The following PLA2R1 variants were observed in gnomAD, a reference collection of about 807,000 sequenced individuals.
PLA2R1 encodes phospholipase A2 receptor 1, also known as secretory phospholipase A2 receptor.
In PLA2R1, 158 loss-of-function variants were observed where a neutral mutation model predicts 195.9. The observed-to-expected ratio is 0.81, with a 90% CI of 0.71 to 0.92. The LOEUF (loss-of-function observed/expected upper bound fraction) is 0.92. Among genes scored for constraint, PLA2R1 ranks in the 40% least tolerant of loss-of-function variants. The probability of loss-of-function intolerance (pLI) is 0.00; values close to 1 mark genes in which losing one functional copy is unlikely to be tolerated. For synonymous variants in PLA2R1, 586 were observed against 598.2 expected, an observed-to-expected ratio of 0.98 and a Z score of 0.30; for missense variants, 1,626 against 1,764.6, an observed-to-expected ratio of 0.92 and a Z score of 1.41.
At chr2:159,970,529 A>G (rs1267343086) in intron 17 of PLA2R1, among the ~76,000 whole-genome samples, 2 of 152,316 alleles carry the variant, frequency 1.3e-5, no homozygotes, top group African/African-American at 2.4e-5. Flanking sequence ...CTGACAAAAA[A>G]TTATTGGCTC....
intron 1 of PLA2R1, among the ~76,000 whole-genome samples, chr2:160,046,559 CA>C (rs2105628626): frequency 6.6e-6 from 1 of 152,274 alleles, no homozygotes; most frequent in Admixed American, 6.5e-5. Context: ...AACTGATTTA[CA>C]GTAACCAAAA....
chr2:159,952,350 A>G (rs540615867), intron 23 of PLA2R1, among the ~76,000 whole-genome samples: 43 of 152,294 alleles, frequency 2.8e-4, no homozygotes, highest in Admixed American at 8.5e-4. Context: ...TACATAGAAC[A>G]TATGTTCTAT....
rs1221552085 is a variant in PLA2R1 at position 160,042,788 on chromosome 2, GGTGTGTGTGTGC to G, written c.494-602_494-591del. On this transcript the variant is annotated intron_variant, in intron 2 of 29. Coordinates refer to ENST00000283243, the MANE Select transcript of PLA2R1 (RefSeq NM_007366.5). ...TAAATAGGATGAGAAGACAGAGTGG[GGTGTGTGTGTGC>G]GTGTGTGTGTGTGTGTGTGTGTGTG... is the stretch of plus-strand genomic sequence containing the variant. 9.1e-3 allele frequency among the ~76,000 whole-genome samples: 1,236 copies of G among 135,370 alleles called. 85 individuals carry two copies. The East Asian group carries it at 0.21, about 23-fold the overall frequency. The allele number at this position is 135,370 out of a possible 152,430, so 88.8% of individuals were successfully genotyped here. A position where few individuals can be genotyped will look rare whatever the true frequency, so the allele number is the denominator to read the frequency against.
intron 27 of PLA2R1, chr2:159,946,104 G>T: frequency 1.2e-6 from 1 of 801,486 alleles, no homozygotes; most frequent in Non-Finnish European, 1.5e-6. Context: ...TCCATCCCAT[G>T]TGTGGGCAAT....
chr2:159,986,626 A>C (rs2105318332), intron 12 of PLA2R1, among the ~76,000 whole-genome samples: 1 of 147,312 alleles, frequency 6.8e-6, no homozygotes, highest in East Asian at 2.0e-4. Context: ...TCGCTGTGTC[A>C]CCCAGGATGG....
At chr2:160,048,029 C>CA (rs1207078669) in intron 1 of PLA2R1, among the ~76,000 whole-genome samples, 1 of 151,954 alleles carries the variant, frequency 6.6e-6, no homozygotes, top group Non-Finnish European at 1.5e-5. Flanking sequence ...GACAGGATCT[C>CA]AATATATTGC....
rs916593884 is a variant in PLA2R1, at chr2:159,999,347, ATTTTTTTTTTTTTTTTT to A, written c.1834+6288_1834+6304del. On this transcript the variant is annotated intron_variant, in intron 11 of 29. Coordinates refer to ENST00000283243, the MANE Select transcript of PLA2R1 (RefSeq NM_007366.5). ...AACATGAAGGCATGCACATTACGTA[ATTTTTTTTTTTTTTTTT>A]TTTTTTTTTTTTTTTTTTGAGACGG... Among the ~76,000 whole-genome samples, 5 of 7,246 alleles carry A rather than the reference ATTTTTTTTTTTTTTTTT, an allele frequency of 6.9e-4. 2 individuals carry two copies. Among genetic ancestry groups the A allele is most frequent in the African/African-American group, 5.8e-3 (5 of 864 alleles). 4.8% of individuals were successfully genotyped at this position (7,246 alleles called of 152,430 possible).
rs763304510 is a variant in PLA2R1 at position 159,956,613 on chromosome 2, A to G, written c.2919T>C (p.Asn973=). Residue 973 remains asparagine (N), a synonymous_variant, in exon 21 of 30, where the codon AAT becomes AAC. Coordinates refer to ENST00000283243, the MANE Select transcript of PLA2R1 (RefSeq NM_007366.5). ...TCCAACTGCTTGGGTCTTTGGGGAT[A>G]TTCAGCAGAAGGCACTATCAAAAAA... The part of the protein sequence containing the change: ...LYFNYKCLLL[N]IPKDPSSWKN... 2 of 1,602,094 alleles carry G rather than the reference A, an allele frequency of 1.2e-6. No homozygotes were observed. The highest frequency in any genetic ancestry group is 1.7e-6 in the Non-Finnish European group (2 of 1,169,090).
chr2:160,023,688 T>C (rs1693300126), intron 6 of PLA2R1, among the ~76,000 whole-genome samples: 2 of 152,234 alleles, frequency 1.3e-5, no homozygotes, highest in Admixed American at 1.3e-4. Flanking sequence ...GCTTTCCTTT[T>C]ATGGATTCGC....
At chr2:159,950,847 T>A (rs1560137553) in intron 24 of PLA2R1, among the ~76,000 whole-genome samples, 1 of 152,144 alleles carries the variant, frequency 6.6e-6, no homozygotes, top group African/African-American at 2.4e-5. Context: ...ATATTTTATT[T>A]AAAAAAATGA....
In PLA2R1 at chr2:159,951,143, G is replaced by A. The variant is rs577111812; in HGVS notation, c.3540+197C>T. Among the ~76,000 whole-genome samples the A allele has an allele frequency of 2.6e-5, 4 of 152,324 alleles. No individual in the cohort carries two copies. In the East Asian group the frequency reaches 5.8e-4, roughly 22 times the overall value. ...GCAAGTGGATGTTTACCCTAAAGAG[G>A]TGTGCACTCTTATTTTGTAGTCATA... On this transcript the variant is annotated intron_variant, in intron 24 of 29. Coordinates refer to ENST00000283243, the MANE Select transcript of PLA2R1 (RefSeq NM_007366.5).
intron 11 of PLA2R1, among the ~76,000 whole-genome samples, chr2:159,998,694 T>C (rs1286497986): frequency 6.6e-6 from 1 of 152,148 alleles, no homozygotes; most frequent in Non-Finnish European, 1.5e-5. Flanking sequence ...TAATCTCTAA[T>C]TACACAGTGC....
In PLA2R1 at chr2:160,062,299, C is replaced by G; in HGVS notation, c.105G>C (p.Trp35Cys). Residue 35 changes from tryptophan to cysteine, a missense_variant, in exon 1 of 30, where the codon TGG (tryptophan) becomes TGC (cysteine). Coordinates refer to ENST00000283243, the MANE Select transcript of PLA2R1 (RefSeq NM_007366.5). Reference sequence around the variant, plus strand: ...CCCCGACCCTGGGAGACTCACCCTGCCACTCCAGGAGCCGCTCGGGGGTAA... The same window carrying G: ...CCCCGACCCTGGGAGACTCACCCTGGCACTCCAGGAGCCGCTCGGGGGTAA... ...AALTPERLLE[W>C]QDKGIFVIQS... 2 of 1,495,500 alleles carry G rather than the reference C, an allele frequency of 1.3e-6. No individual in the cohort carries two copies. The highest frequency in any genetic ancestry group is 8.9e-7 in the Non-Finnish European group (1 of 1,122,754). 92.6% of individuals were successfully genotyped at this position (1,495,500 alleles called of 1,614,324 possible).
rs1574643949 is a variant in PLA2R1, at chr2:159,946,602, G to A, written c.3967+199C>T. On this transcript the variant is annotated intron_variant, in intron 27 of 29. Transcript: ENST00000283243. ...GTTATTGTTTGTTTTTATTTTTGGT[G>A]TTCTGGGATTATTTTAAAAGACAAA... 6 of 1,281,432 alleles carry A rather than the reference G, an allele frequency of 4.7e-6. No individual in the cohort carries two copies. In the South Asian group the frequency reaches 1.5e-4, roughly 33 times the overall value. 79.4% of individuals were successfully genotyped at this position (1,281,432 alleles called of 1,614,324 possible).
chr2:159,981,528 C>T (rs2105296483), intron 13 of PLA2R1, among the ~76,000 whole-genome samples: 1 of 152,188 alleles, frequency 6.6e-6, no homozygotes, highest in East Asian at 1.9e-4. Flanking sequence ...ACCTCAGTCT[C>T]CTGAGTAGCT....
At chr2:159,969,563 G>T (rs935436327) in intron 18 of PLA2R1, among the ~76,000 whole-genome samples, 7 of 151,892 alleles carry the variant, frequency 4.6e-5, no homozygotes, top group African/African-American at 1.7e-4. Flanking sequence ...TTTTTTTTGA[G>T]ATGGAGTCTC....
At chr2:159,978,386 T>C (rs1360765918) in intron 14 of PLA2R1, among the ~76,000 whole-genome samples, 1 of 152,206 alleles carries the variant, frequency 6.6e-6, no homozygotes, top group East Asian at 1.9e-4. Flanking sequence ...TCCTCAAACA[T>C]GTACACTGTC....
the PLA2R1 span, among the ~76,000 whole-genome samples, chr2:159,926,766 C>A: frequency 3.3e-5 from 5 of 152,088 alleles, no homozygotes; most frequent in South Asian, 1.0e-3. Flanking sequence ...TGATGAACTA[C>A]CCCTTCCCCC....
chr2:160,035,632 C>A (rs1199530331), intron 3 of PLA2R1, among the ~76,000 whole-genome samples: 2 of 152,126 alleles, frequency 1.3e-5, no homozygotes, highest in Non-Finnish European at 2.9e-5. Flanking sequence ...GCAATTGTGT[C>A]ATATATAACT....
Sources: allele counts gnomAD v4.1 joint callset (sites outside exome capture counted in the v4.1 genomes callset), GRCh38; gene constraint gnomAD v4.1.1; transcripts MANE v1.5; gene names NCBI Gene and HGNC (gene_info 2026-07-23, HGNC 2026-07-21).